Variants in ACCSL observed in about 807,000 individuals in gnomAD.
ACCSL encodes the protein 1-aminocyclopropane-1-carboxylate synthase homolog (inactive) like.
In ACCSL, 55 loss-of-function variants were observed where a neutral mutation model predicts 61.7. That is an observed-to-expected ratio of 0.89 (90% CI 0.72 to 1.12). ACCSL has a LOEUF of 1.12. ACCSL is among the 50% of genes most tolerant of loss of function. The pLI, the probability that ACCSL is intolerant of heterozygous loss-of-function variation, is 0.00. For synonymous variants in ACCSL, 258 were observed against 264.3 expected (o/e 0.98, Z 0.23); for missense variants, 632 against 698.0 (o/e 0.91, Z 1.07).
the ACCSL span, among the ~76,000 whole-genome samples, chr11:43,982,544 G>A: frequency 1.1e-4 from 17 of 152,088 alleles, no homozygotes; most frequent in Middle Eastern, 6.8e-3. Context: ...CACACAACAC[G>A]TCCCCACTTT....
the ACCSL span, among the ~76,000 whole-genome samples, chr11:43,951,587 A>G: frequency 6.6e-6 from 1 of 152,230 alleles, no homozygotes; most frequent in East Asian, 1.9e-4. Context: ...AAAACCAGGA[A>G]TAGCAATGAA....
At chr11:43,943,211 C>T in the ACCSL span, 1 of 1,525,890 alleles carries the variant, frequency 6.6e-7, no homozygotes, top group Non-Finnish European at 8.8e-7. The surrounding 1 kb of genome is among the most constrained non-coding windows in gnomAD (Gnocchi z 4.8). Flanking sequence ...GCAGCGGGAG[C>T]AGCTCAGCAG....
the ACCSL span, among the ~76,000 whole-genome samples, chr11:43,929,868 T>C: frequency 6.6e-6 from 1 of 151,936 alleles, no homozygotes; most frequent in East Asian, 1.9e-4. Flanking sequence ...TTTGGGCAGG[T>C]CTTACAGCCA....
At chr11:44,024,441 C>CTGTGTGTG in the ACCSL span, among the ~76,000 whole-genome samples, 2 of 132,014 alleles carry the variant, frequency 1.5e-5, no homozygotes, top group East Asian at 2.3e-4. Context: ...CTCTCTCTCT[C>CTGTGTGTG]TGTGTGTGTG....
the ACCSL span, among the ~76,000 whole-genome samples, chr11:43,921,900 TGGCAAGTAGGTACTTGCCATAGA>T: frequency 2.0e-5 from 3 of 152,184 alleles, no homozygotes; most frequent in Non-Finnish European, 2.9e-5. Context: ...CCTTCTGAAA[TGGCAAGTAGGTACTTGCCATAGA>T]GTAAAACTAC....
the ACCSL span, among the ~76,000 whole-genome samples, chr11:43,962,183 G>T: frequency 1.3e-5 from 2 of 152,128 alleles, no homozygotes; most frequent in Non-Finnish European, 2.9e-5. Context: ...AGAGTGAGGC[G>T]CTGCCATAAT....
the ACCSL span, among the ~76,000 whole-genome samples, chr11:44,017,028 G>C: frequency 6.6e-6 from 1 of 152,200 alleles, no homozygotes; most frequent in African/African-American, 2.4e-5. Flanking sequence ...TGTCAGGTGA[G>C]GTGGGAGAAA....
At chr11:43,969,421 G>A in the ACCSL span, among the ~76,000 whole-genome samples, 1 of 152,232 alleles carries the variant, frequency 6.6e-6, no homozygotes, top group African/African-American at 2.4e-5. Context: ...AGCTTTTTAA[G>A]ATGGGAATAA....
the ACCSL span, among the ~76,000 whole-genome samples, chr11:44,028,402 C>A: frequency 1.3e-5 from 2 of 152,138 alleles, no homozygotes; most frequent in Non-Finnish European, 2.9e-5. Flanking sequence ...ACTATCTGTG[C>A]TGTGCTGTAT....
the ACCSL span, among the ~76,000 whole-genome samples, chr11:44,015,445 C>T: frequency 6.6e-6 from 1 of 152,138 alleles, no homozygotes; most frequent in South Asian, 2.1e-4. Flanking sequence ...GGGCCGTCTA[C>T]CAGAGAGAAG....
chr11:44,059,951 C>T lies in ACCSL; in HGVS notation c.*31C>T, dbSNP rs1952697676. ...CTGCCTCCCAACCAGCAGTTCCAGC[C>T]CATCACTTGCTCAGGGACCCCCTAA... On this transcript the variant is annotated 3_prime_UTR_variant, in exon 14 of 14. Coordinates refer to ENST00000378832, the MANE Select transcript of ACCSL (RefSeq NM_001031854.2). 1 of 1,601,374 alleles carries T rather than the reference C, an allele frequency of 6.2e-7. No homozygotes were observed. Among genetic ancestry groups the T allele is most frequent in the South Asian group, 1.1e-5 (1 of 90,628 alleles).
the ACCSL span, among the ~76,000 whole-genome samples, chr11:44,024,214 G>C: frequency 5.9e-5 from 9 of 152,222 alleles, no homozygotes; most frequent in South Asian, 1.9e-3. Context: ...GTTTACTTGA[G>C]CTGGCACATC....
the ACCSL span, among the ~76,000 whole-genome samples, chr11:43,955,945 A>C: frequency 6.6e-6 from 1 of 151,882 alleles, no homozygotes; most frequent in African/African-American, 2.4e-5. Context: ...CTGGAGGTTA[A>C]AGGTGGTAAA....
At chr11:43,993,689 C>T in the ACCSL span, among the ~76,000 whole-genome samples, 3 of 152,156 alleles carry the variant, frequency 2.0e-5, no homozygotes, top group Admixed American at 6.5e-5. Context: ...CTGGATGGCT[C>T]CTCAGCTGCC....
the ACCSL span, among the ~76,000 whole-genome samples, chr11:43,963,685 C>T: frequency 6.6e-6 from 1 of 152,196 alleles, no homozygotes; most frequent in Admixed American, 6.5e-5. Flanking sequence ...ACGTATTATT[C>T]TTGCTTTACT....
rs1458019891 is a variant in ACCSL at position 44,056,073 on chromosome 11, G to A, written c.1173G>A (p.Trp391Ter). The A allele has an allele frequency of 1.2e-6, 2 of 1,614,062 alleles. No individual in the cohort carries two copies. The highest frequency in any genetic ancestry group is 1.7e-6 in the Non-Finnish European group (2 of 1,180,048). The change falls in exon 10 of 14, where the codon TGG (tryptophan) becomes TGA (stop). Residue 391 changes from tryptophan to a stop codon, truncating the protein, a stop_gained. Transcript: ENST00000378832. LOFTEE classifies it high-confidence loss of function. Reference sequence around the variant, plus strand: ...ATAGCAACAGGACCCATGTGATCTGGGGTACCAGTAAGGTGAGCCATTGCT... The same window carrying A: ...ATAGCAACAGGACCCATGTGATCTGAGGTACCAGTAAGGTGAGCCATTGCT... ...LPDSNRTHVI[W>*]GTSKDFGISG...
chr11:43,949,969 T>C, the ACCSL span, among the ~76,000 whole-genome samples: 1 of 152,244 alleles, frequency 6.6e-6, no homozygotes, highest in Non-Finnish European at 1.5e-5. Context: ...TGTGAGCTGA[T>C]AGTTTACATT....
At chr11:43,952,969 G>T in the ACCSL span, among the ~76,000 whole-genome samples, 9 of 152,188 alleles carry the variant, frequency 5.9e-5, no homozygotes, top group African/African-American at 2.2e-4. Flanking sequence ...CTGCCAGGAG[G>T]ATCTGCCTGT....
chr11:43,997,053 C>T, the ACCSL span, among the ~76,000 whole-genome samples: 8,352 of 151,862 alleles, frequency 0.055, 663 homozygotes, highest in African/African-American at 0.18. Context: ...TCAGGTGATC[C>T]ACCCGCCTCA....
Sources: allele counts gnomAD v4.1 joint callset (sites outside exome capture counted in the v4.1 genomes callset), GRCh38; gene constraint gnomAD v4.1.1; non-coding constraint Gnocchi (gnomAD v3.1); transcripts MANE v1.5; gene names NCBI Gene and HGNC (gene_info 2026-07-23, HGNC 2026-07-21).